Variants in KIAA1549L observed in about 807,000 individuals in gnomAD.
KIAA1549L encodes the protein UPF0606 protein KIAA1549L.
A neutral mutation model predicts 160.7 loss-of-function variants in KIAA1549L; 88 were observed. That is an observed-to-expected ratio of 0.55 (90% CI 0.46 to 0.65). KIAA1549L has a LOEUF of 0.65. KIAA1549L is among the 30% of genes least tolerant of loss of function. The pLI, the probability that KIAA1549L is intolerant of heterozygous loss-of-function variation, is 0.00. For synonymous variants in KIAA1549L, 950 were observed against 976.7 expected, an observed-to-expected ratio of 0.97 and a Z score of 0.51; for missense variants, 2,258 against 2,437.5, an observed-to-expected ratio of 0.93 and a Z score of 1.55.
chr11:33,398,475 G>T (rs1281184178), intron 1 of KIAA1549L, among the ~76,000 whole-genome samples: 1 of 152,144 alleles, frequency 6.6e-6, no homozygotes, highest in African/African-American at 2.4e-5. Context: ...TCCAGTTTGG[G>T]TGTGATTGAA....
intron 13 of KIAA1549L, 48 bp from the exon 14 acceptor site, chr11:33,606,593 C>T: frequency 6.3e-7 from 1 of 1,577,046 alleles, no homozygotes; most frequent in South Asian, 1.1e-5. Flanking sequence ...CCTGGGATCA[C>T]ACAGCTCCCC....
At chr11:33,599,605 G>C (rs970415084) in intron 13 of KIAA1549L, 3 of 152,246 alleles carry the variant, frequency 2.0e-5, no homozygotes, top group African/African-American at 7.2e-5. Context: ...TTTCCTGTAA[G>C]GATTGGCGTT....
chr11:33,542,782 A>G lies in KIAA1549L; in HGVS notation c.1219A>G (p.Lys407Glu), dbSNP rs769611327. 7.4e-6 allele frequency: 12 copies of G among 1,613,894 alleles called. No homozygotes were observed. Among genetic ancestry groups the G allele is most frequent in the Admixed American group, 1.7e-5 (1 of 60,020 alleles). The change falls in exon 2 of 21, where the codon AAG becomes GAG. Residue 407 changes from lysine (K) to glutamate (E), a missense_variant. Coordinates refer to ENST00000658780, the MANE Select transcript of KIAA1549L (RefSeq NM_012194.3). ...VHNGVSLPTFKNTETATHEAE... is the reference protein window; with the variant it reads ...VHNGVSLPTFENTETATHEAE... ...CAATGGGGTGTCTTTGCCAACTTTT[A>G]AGAATACAGAAACAGCGACCCATGA...
chr11:33,388,280 C>T lies in KIAA1549L; in HGVS notation c.238+11391C>T, dbSNP rs1483394729. Reference sequence around the variant, plus strand: ...ATATGATGGCAGGAAAGAGAAGTGCCGAGTGAAGTGGGGAGAATAAAACCA... The same window carrying T: ...ATATGATGGCAGGAAAGAGAAGTGCTGAGTGAAGTGGGGAGAATAAAACCA... On this transcript the variant is annotated intron_variant, in intron 1 of 20. Coordinates refer to ENST00000658780, the MANE Select transcript of KIAA1549L (RefSeq NM_012194.3). 2.0e-5 allele frequency among the ~76,000 whole-genome samples: 3 copies of T among 152,220 alleles called. No individual in the cohort carries two copies. In the East Asian group the frequency reaches 5.8e-4, roughly 29 times the overall value.
intron 1 of KIAA1549L, among the ~76,000 whole-genome samples, chr11:33,385,735 A>G (rs553319638): frequency 6.7e-6 from 1 of 149,462 alleles, no homozygotes; most frequent in East Asian, 1.9e-4. Context: ...AGAGATCTCT[A>G]TCTTAACAGT....
intron 1 of KIAA1549L, among the ~76,000 whole-genome samples, chr11:33,482,556 T>TAGCTATATAAAAAGA: frequency 6.6e-6 from 1 of 150,500 alleles, no homozygotes; most frequent in Admixed American, 6.8e-5. Flanking sequence ...GAGCTATCTT[T>TAGCTATATAAAAAGA]GCATATGCTA....
At chr11:33,496,131 T>A (rs1565158873) in intron 1 of KIAA1549L, among the ~76,000 whole-genome samples, 1 of 152,032 alleles carries the variant, frequency 6.6e-6, no homozygotes, top group African/African-American at 2.4e-5. Flanking sequence ...ACCTGGCTAA[T>A]TTTTGTATTT....
chr11:33,480,018 A>G (rs778361772), intron 1 of KIAA1549L, among the ~76,000 whole-genome samples: 20 of 152,100 alleles, frequency 1.3e-4, no homozygotes, highest in Non-Finnish European at 2.2e-4. Context: ...CATGTATCAG[A>G]GTTGGAGGGA....
At chr11:33,392,203 C>T (rs1850284260) in intron 1 of KIAA1549L, among the ~76,000 whole-genome samples, 1 of 152,182 alleles carries the variant, frequency 6.6e-6, no homozygotes, top group Admixed American at 6.5e-5. Flanking sequence ...TGCAGTCCTT[C>T]CCTGCCCACC....
At chr11:33,540,169 G>A (rs1040135661) in intron 1 of KIAA1549L, among the ~76,000 whole-genome samples, 1 of 152,160 alleles carries the variant, frequency 6.6e-6, no homozygotes, top group African/African-American at 2.4e-5. Context: ...GTGTGTGTGT[G>A]AAAGAGTTTG....
chr11:33,412,809 T>G (rs1274037787), intron 1 of KIAA1549L, among the ~76,000 whole-genome samples: 2 of 152,236 alleles, frequency 1.3e-5, no homozygotes, highest in African/African-American at 4.8e-5. Flanking sequence ...GTACAGACAT[T>G]TACGCATCAT....
intron 12 of KIAA1549L, among the ~76,000 whole-genome samples, chr11:33,592,967 C>T (rs1850101047): frequency 1.3e-5 from 2 of 152,268 alleles, no homozygotes; most frequent in African/African-American, 4.8e-5. Context: ...AGGGGGCTGG[C>T]ATGAACTAGG....
rs1299081380 is a variant in KIAA1549L, at chr11:33,671,761, T to A, written c.*3607T>A. On this transcript the variant is annotated 3_prime_UTR_variant, in exon 21 of 21. Coordinates refer to ENST00000658780, the MANE Select transcript of KIAA1549L (RefSeq NM_012194.3). The stretch of plus-strand genomic sequence containing the variant: ...TAAACGAGTTTCCTTTTTTTCTACA[T>A]AGCACACAGGTGCTCAACATTTAAT... The A allele has an allele frequency of 6.6e-6, 1 of 152,236 alleles. No homozygotes were observed. The highest frequency in any genetic ancestry group is 2.4e-5 in the African/African-American group (1 of 41,456). The allele number at this position is 152,236 out of a possible 1,614,324, so 9.4% of individuals were successfully genotyped here.
chr11:33,389,577 C>T (rs1030964897), intron 1 of KIAA1549L, among the ~76,000 whole-genome samples: 3 of 152,160 alleles, frequency 2.0e-5, no homozygotes, highest in African/African-American at 7.2e-5. Context: ...TGGAGATGAA[C>T]GTATGAATCA....
chr11:33,585,289 C>T (rs537482006), intron 11 of KIAA1549L, among the ~76,000 whole-genome samples: 12 of 152,268 alleles, frequency 7.9e-5, no homozygotes, highest in Admixed American at 2.0e-4. Context: ...GAGGCCGAGG[C>T]GGGCGGATCA....
intron 15 of KIAA1549L, among the ~76,000 whole-genome samples, chr11:33,613,702 A>G (rs1019308145): frequency 6.6e-6 from 1 of 152,198 alleles, no homozygotes; most frequent in South Asian, 2.1e-4. Context: ...ACATTTCAAC[A>G]TGAGATATGG....
At chr11:33,548,260 G>C (rs996021468) in intron 4 of KIAA1549L, among the ~76,000 whole-genome samples, 2 of 152,040 alleles carry the variant, frequency 1.3e-5, no homozygotes, top group African/African-American at 4.8e-5. Flanking sequence ...TTAGCTGGGC[G>C]TGGTGGCAGG....
Position 33,568,130 on chromosome 11 carries a change from G to A in KIAA1549L, c.4133G>A (p.Arg1378Gln), listed in dbSNP as rs1459374986. The change falls in exon 9 of 21, where the codon CGG becomes CAG. Residue 1378 changes from arginine (R) to glutamine (Q), a missense_variant. Arg to Gln is a conservative substitution (Grantham distance 43). Coordinates refer to ENST00000658780, the MANE Select transcript of KIAA1549L (RefSeq NM_012194.3). ...LVGLHNQSFA[R>Q]VMEQRLAQLF... Reference sequence around the variant, plus strand: ...GGCCTGCACAACCAGAGCTTTGCCCGGGTCATGGAGCAGCGCCTGGCCCAG... The same window carrying A: ...GGCCTGCACAACCAGAGCTTTGCCCAGGTCATGGAGCAGCGCCTGGCCCAG... The A allele has an allele frequency of 6.2e-7, 1 of 1,612,966 alleles. No individual in the cohort carries two copies. The highest frequency in any genetic ancestry group is 2.2e-5 in the East Asian group (1 of 44,802).
intron 13 of KIAA1549L, among the ~76,000 whole-genome samples, chr11:33,601,048 T>G (rs1850347649): frequency 6.6e-6 from 1 of 152,134 alleles, no homozygotes; most frequent in Non-Finnish European, 1.5e-5. Context: ...TTAGGTCACT[T>G]TGACTATTTA....
Sources: gnomAD v4.1 joint callset for allele counts (sites outside exome capture counted in the v4.1 genomes callset) on GRCh38, gnomAD v4.1.1 for gene constraint, MANE v1.5 for transcripts, NCBI Gene and HGNC (gene_info 2026-07-23, HGNC 2026-07-21) for gene names.